MCPH1: variants seen among roughly 807,000 people sequenced by gnomAD.
MCPH1 encodes microcephalin 1.
Under a neutral mutation model 84.5 loss-of-function variants are expected in MCPH1, and 104 were observed. The ratio of observed to expected loss-of-function variants is 1.23; its 90% CI spans 1.05 to 1.45. MCPH1 has a LOEUF of 1.45. Among genes scored for constraint, MCPH1 ranks in the 40% most tolerant of loss-of-function variants. The pLI, the probability that MCPH1 is intolerant of heterozygous loss-of-function variation, is 0.00. For missense variants in MCPH1, 1,498 were observed against 1,005.7 expected, an observed-to-expected ratio of 1.49 and a Z score of -6.62; for synonymous variants, 514 against 366.8, an observed-to-expected ratio of 1.40 and a Z score of -4.58.
intron 9 of MCPH1, among the ~76,000 whole-genome samples, chr8:6,467,599 T>G (rs1016302667): frequency 6.6e-6 from 1 of 152,172 alleles, no homozygotes; most frequent in African/African-American, 2.4e-5. Context: ...TAATTCTTTT[T>G]TTTTGTTTTG....
In MCPH1 at chr8:6,417,304, C is replaced by G. The variant is rs184360542; in HGVS notation, c.233+2421C>G. On this transcript the variant is annotated intron_variant, in intron 3 of 13. Coordinates refer to ENST00000344683, the MANE Select transcript of MCPH1 (RefSeq NM_024596.5). ...CAGATAGTCAATATTTTAGGCTTTG[C>G]GGGCCATATGGTCTCTGCTCAACAG... Among the ~76,000 whole-genome samples the G allele has an allele frequency of 4.7e-3, 715 of 152,206 alleles. 2 individuals are homozygous for G. Among genetic ancestry groups the G allele is most frequent in the Non-Finnish European group, 7.6e-3 (514 of 68,014 alleles).
At chr8:6,582,804 G>A (rs1233189865) in intron 12 of MCPH1, among the ~76,000 whole-genome samples, 6 of 152,182 alleles carry the variant, frequency 3.9e-5, no homozygotes, top group Non-Finnish European at 1.5e-5. Flanking sequence ...ACAGTGTGGT[G>A]CCTCTGAGCT....
intron 12 of MCPH1, among the ~76,000 whole-genome samples, chr8:6,542,247 C>G (rs991260752): frequency 1.3e-5 from 2 of 151,956 alleles, no homozygotes; most frequent in Admixed American, 6.6e-5. Flanking sequence ...GTATATCTGT[C>G]TAGAGACATA....
At chr8:6,528,055 C>G (rs1361275508) in intron 12 of MCPH1, among the ~76,000 whole-genome samples, 1 of 134,120 alleles carries the variant, frequency 7.5e-6, no homozygotes, top group African/African-American at 2.7e-5. Flanking sequence ...ACCACCATAC[C>G]CAGCTAATTT....
At chr8:6,430,174 G>C (rs1472910815) in intron 3 of MCPH1, among the ~76,000 whole-genome samples, 3 of 152,164 alleles carry the variant, frequency 2.0e-5, no homozygotes, top group Non-Finnish European at 4.4e-5. Flanking sequence ...GCAACCTGTT[G>C]CTGCTTTTCT....
chr8:6,621,842 G>A (rs1831459585), intron 13 of MCPH1, 151 bp downstream of exon 13: 3 of 1,032,680 alleles, frequency 2.9e-6, no homozygotes, highest in Non-Finnish European at 3.0e-6. Flanking sequence ...GCAGCGTCGT[G>A]TGGTCACCCT....
chr8:6,474,874 A>G (rs1187535008), intron 9 of MCPH1, among the ~76,000 whole-genome samples: 1 of 152,232 alleles, frequency 6.6e-6, no homozygotes, highest in Non-Finnish European at 1.5e-5. Context: ...GACAACTCAT[A>G]GAAGACATGA....
Position 6,623,688 on chromosome 8 carries a change from CAAAAAAAAAAA to C in MCPH1, c.2452+2017_2452+2027del, listed in dbSNP as rs377522481. 1.3e-3 allele frequency among the ~76,000 whole-genome samples: 121 copies of C among 92,422 alleles called. 1 individual carries two copies. The highest frequency in any genetic ancestry group is 3.0e-3 in the South Asian group (8 of 2,694). 60.6% of individuals were successfully genotyped at this position (92,422 alleles called of 152,430 possible). ...CATCTTTTGCCTGGAAACCAACTTC[CAAAAAAAAAAA>C]AAAAAAAAAAAAAAAAAAACTATTG... On this transcript the variant is annotated intron_variant, in intron 13 of 13. Transcript: ENST00000344683.
chr8:6,442,298 G>A, intron 7 of MCPH1, 142 bp downstream of exon 7: 1 of 640,902 alleles, frequency 1.6e-6, no homozygotes, highest in Non-Finnish European at 2.7e-6. Context: ...CCTGAAATTA[G>A]GTATTATAAT....
chr8:6,422,128 C>T (rs1585650270), intron 3 of MCPH1, among the ~76,000 whole-genome samples: 1 of 152,172 alleles, frequency 6.6e-6, no homozygotes, highest in East Asian at 1.9e-4. Context: ...GTCTGTGTAT[C>T]TAATCATGCA....
chr8:6,576,497 T>TCCCC (rs1465638583), intron 12 of MCPH1, among the ~76,000 whole-genome samples: 516 of 134,922 alleles, frequency 3.8e-3, no homozygotes, highest in Non-Finnish European at 6.6e-3. Flanking sequence ...CCTTTTCCCT[T>TCCCC]TCCCTTCCCC....
intron 9 of MCPH1, among the ~76,000 whole-genome samples, chr8:6,472,334 C>A (rs879368509): frequency 6.6e-6 from 1 of 152,138 alleles, no homozygotes; most frequent in Non-Finnish European, 1.5e-5. Flanking sequence ...GACAATTTGT[C>A]CCATATAACT....
At chr8:6,547,902 T>A (rs76071682) in intron 12 of MCPH1, among the ~76,000 whole-genome samples, 1 of 150,220 alleles carries the variant, frequency 6.7e-6, no homozygotes, top group African/African-American at 2.5e-5. Flanking sequence ...TTTTTTTTTT[T>A]AACCAAAACT....
intron 12 of MCPH1, among the ~76,000 whole-genome samples, chr8:6,549,764 C>T (rs1823288445): frequency 6.6e-6 from 1 of 150,810 alleles, no homozygotes; most frequent in Non-Finnish European, 1.5e-5. Flanking sequence ...TGCAGGGCAG[C>T]AAGTCCTCTA....
chr8:6,454,877 C>G (rs759803549), intron 8 of MCPH1, among the ~76,000 whole-genome samples: 11 of 152,194 alleles, frequency 7.2e-5, no homozygotes, highest in African/African-American at 1.4e-4. Context: ...TATACATTTT[C>G]TTACATTATC....
intron 3 of MCPH1, among the ~76,000 whole-genome samples, chr8:6,425,184 C>T (rs567185235): frequency 1.3e-5 from 2 of 152,098 alleles, no homozygotes; most frequent in African/African-American, 4.8e-5. Context: ...CACGGCTTCC[C>T]GAGGAGAACG....
intron 11 of MCPH1, among the ~76,000 whole-genome samples, chr8:6,482,390 C>T (rs1192335550): frequency 2.0e-5 from 3 of 152,170 alleles, no homozygotes; most frequent in African/African-American, 7.2e-5. Flanking sequence ...TAGGCATCCC[C>T]CAGGGGGCCA....
rs1475999255 is a variant in MCPH1 at position 6,646,853 on chromosome 8, T to C, written c.*3804T>C. On this transcript the variant is annotated 3_prime_UTR_variant, in exon 14 of 14. Coordinates refer to ENST00000344683, the MANE Select transcript of MCPH1 (RefSeq NM_024596.5). ...CATTGACCTAATGTAAAAAATAAAATGTACAGAAGAAAGCATAGCAGGAAA... is the reference window on the plus strand; with the variant it reads ...CATTGACCTAATGTAAAAAATAAAACGTACAGAAGAAAGCATAGCAGGAAA... 6.6e-6 allele frequency: 1 copy of C among 151,962 alleles called. No individual in the cohort carries two copies. The highest frequency in any genetic ancestry group is 1.9e-4 in the East Asian group (1 of 5,180). The allele number at this position is 151,962 out of a possible 1,614,324, so 9.4% of individuals were successfully genotyped here.
At chr8:6,490,283 T>C (rs1192165419) in intron 11 of MCPH1, among the ~76,000 whole-genome samples, 2 of 152,236 alleles carry the variant, frequency 1.3e-5, no homozygotes, top group African/African-American at 4.8e-5. Flanking sequence ...ATATTTTAAC[T>C]TCAGGTATTC....
Sources: gnomAD v4.1 joint callset for allele counts (sites outside exome capture counted in the v4.1 genomes callset) on GRCh38, gnomAD v4.1.1 for gene constraint, MANE v1.5 for transcripts, NCBI Gene and HGNC (gene_info 2026-07-23, HGNC 2026-07-21) for gene names.